Variants in THSD7A observed in about 807,000 individuals in gnomAD.
The protein encoded by THSD7A is thrombospondin type-1 domain-containing protein 7A.
Under a neutral mutation model 231.3 loss-of-function variants are expected in THSD7A, and 96 were observed. The ratio of observed to expected loss-of-function variants is 0.41; its 90% CI spans 0.35 to 0.49. The LOEUF is 0.49. Ranked by LOEUF, THSD7A falls within the 20% of genes least tolerant of loss-of-function variation. THSD7A has a pLI of 0.05. For synonymous variants in THSD7A, 940 were observed against 743.3 expected, an observed-to-expected ratio of 1.26 and a Z score of -4.30; for missense variants, 2,290 against 2,070.2, an observed-to-expected ratio of 1.11 and a Z score of -2.06.
chr7:11,629,631 G>A (rs1315149449), intron 2 of THSD7A, among the ~76,000 whole-genome samples: 2 of 152,134 alleles, frequency 1.3e-5, no homozygotes, highest in African/African-American at 4.8e-5. Flanking sequence ...GCGTGGGGAT[G>A]GGCCCTCAGG....
intron 1 of THSD7A, among the ~76,000 whole-genome samples, chr7:11,674,241 G>C (rs1783541718): frequency 1.3e-5 from 2 of 152,018 alleles, no homozygotes; most frequent in Admixed American, 6.6e-5. Flanking sequence ...TTTAGAAAGG[G>C]GGTCATCTCT....
intron 13 of THSD7A, among the ~76,000 whole-genome samples, chr7:11,429,772 G>T (rs1377982393): frequency 6.6e-6 from 1 of 152,134 alleles, no homozygotes; most frequent in Non-Finnish European, 1.5e-5. Flanking sequence ...TAACAGGCAG[G>T]TAAGAAAACA....
At chr7:11,392,964 C>T (rs1286383494) in intron 23 of THSD7A, among the ~76,000 whole-genome samples, 1 of 152,162 alleles carries the variant, frequency 6.6e-6, no homozygotes, top group African/African-American at 2.4e-5. Context: ...GGTGCAGCTT[C>T]AGCAGAATTA....
chr7:11,462,181 C>T, intron 9 of THSD7A, 38 bp from the exon 10 acceptor site: 1 of 1,606,694 alleles, frequency 6.2e-7, no homozygotes, highest in Non-Finnish European at 8.5e-7. Context: ...GTACTTTACA[C>T]TGATGAGATA....
At chr7:11,468,895 T>C (rs1227928257) in intron 9 of THSD7A, among the ~76,000 whole-genome samples, 1 of 152,054 alleles carries the variant, frequency 6.6e-6, no homozygotes, top group African/African-American at 2.4e-5. Context: ...TGTGGTTTAA[T>C]TTTATTGGAT....
chr7:11,598,024 T>C (rs1780426712), intron 2 of THSD7A, among the ~76,000 whole-genome samples: 1 of 152,144 alleles, frequency 6.6e-6, no homozygotes, highest in Non-Finnish European at 1.5e-5. Flanking sequence ...CACCTGAACG[T>C]GGACAGCTGC....
chr7:11,525,626 GA>G (rs566193652), intron 6 of THSD7A, among the ~76,000 whole-genome samples: 95 of 152,162 alleles, frequency 6.2e-4, no homozygotes, highest in African/African-American at 2.1e-3. Flanking sequence ...GTAGTTGTCA[GA>G]AGTGTATATG....
intron 17 of THSD7A, chr7:11,414,188 C>T (rs1305393030): frequency 1.3e-5 from 2 of 152,280 alleles, no homozygotes; most frequent in African/African-American, 2.4e-5. Flanking sequence ...ACCAGCATTT[C>T]TTCCTAATAA....
At chr7:11,794,863 A>G (rs1784077029) in intron 1 of THSD7A, among the ~76,000 whole-genome samples, 1 of 151,984 alleles carries the variant, frequency 6.6e-6, no homozygotes, top group African/African-American at 2.4e-5. Context: ...CTTTTTTCCA[A>G]CTGAGCTATA....
chr7:11,764,806 T>C (rs1033827517), intron 1 of THSD7A, among the ~76,000 whole-genome samples: 1 of 152,014 alleles, frequency 6.6e-6, no homozygotes, highest in Non-Finnish European at 1.5e-5. Context: ...CCTTGGAAAA[T>C]ACAGTAATTT....
intron 4 of THSD7A, among the ~76,000 whole-genome samples, chr7:11,580,165 T>TA (rs1791094309): frequency 6.6e-6 from 1 of 152,156 alleles, no homozygotes; most frequent in Admixed American, 6.6e-5. Context: ...ACAATCCTTA[T>TA]AAAAAACAGA....
intron 1 of THSD7A, among the ~76,000 whole-genome samples, chr7:11,787,412 G>T (rs1783824573): frequency 6.6e-6 from 1 of 151,880 alleles, no homozygotes; most frequent in Admixed American, 6.6e-5. Context: ...TGATAAACTG[G>T]ATTTCATTAA....
At chr7:11,458,329 TAA>T (rs973908799) in intron 11 of THSD7A, among the ~76,000 whole-genome samples, 5 of 152,208 alleles carry the variant, frequency 3.3e-5, no homozygotes, top group African/African-American at 1.2e-4. Flanking sequence ...TTGCAATTAG[TAA>T]AAGATACTTC....
intron 23 of THSD7A, among the ~76,000 whole-genome samples, chr7:11,388,803 G>A (rs1318585333): frequency 6.6e-6 from 1 of 152,058 alleles, no homozygotes; most frequent in Non-Finnish European, 1.5e-5. Context: ...TGCATTTAGT[G>A]CTATAAACTT....
intron 2 of THSD7A, among the ~76,000 whole-genome samples, chr7:11,623,877 G>T (rs185328438): frequency 6.6e-6 from 1 of 152,062 alleles, no homozygotes; most frequent in African/African-American, 2.4e-5. Flanking sequence ...CCTGACTTTC[G>T]TCTATTGAGG....
At chr7:11,656,055 C>A (rs773059600) in intron 1 of THSD7A, among the ~76,000 whole-genome samples, 1 of 151,814 alleles carries the variant, frequency 6.6e-6, no homozygotes, top group Non-Finnish European at 1.5e-5. Flanking sequence ...TGAGGTGTCA[C>A]GTATTCAGTT....
intron 16 of THSD7A, among the ~76,000 whole-genome samples, chr7:11,421,118 G>A (rs1430804099): frequency 1.3e-5 from 2 of 152,156 alleles, no homozygotes; most frequent in Non-Finnish European, 2.9e-5. Flanking sequence ...AGACTGTTGG[G>A]AAGGTATGGT....
chr7:11,717,021 C>T (rs1276741385), intron 1 of THSD7A, among the ~76,000 whole-genome samples: 1 of 151,624 alleles, frequency 6.6e-6, no homozygotes, highest in Non-Finnish European at 1.5e-5. Flanking sequence ...CTTCTGAAAA[C>T]AGCTCACTTC....
chr7:11,494,683 G>A (rs182605813), intron 6 of THSD7A, among the ~76,000 whole-genome samples: 204 of 152,004 alleles, frequency 1.3e-3, no homozygotes, highest in African/African-American at 4.5e-3. Flanking sequence ...CTCCTTGCCC[G>A]AAGTTACCAG....
Sources: gnomAD v4.1 joint callset for allele counts (sites outside exome capture counted in the v4.1 genomes callset) on GRCh38, gnomAD v4.1.1 for gene constraint, MANE v1.5 for transcripts, NCBI Gene and HGNC (gene_info 2026-07-23, HGNC 2026-07-21) for gene names.